Variants in MBD5 observed in about 807,000 individuals in gnomAD.
MBD5 encodes the protein methyl-CpG-binding domain protein 5.
MBD5 carries 13 observed loss-of-function variants against 117.3 expected under a neutral mutation model. The ratio of observed to expected loss-of-function variants is 0.11; its 90% CI spans 0.07 to 0.18. MBD5 has a LOEUF of 0.18. Among genes scored for constraint, MBD5 ranks in the 10% least tolerant of loss-of-function variants. MBD5 has a pLI of 1.00. For synonymous variants in MBD5, 727 were observed against 766.4 expected (o/e 0.95, Z 0.85); for missense variants, 1,879 against 2,093.8 (o/e 0.90, Z 2.00).
chr2:148,169,595 G>C (rs1698208285), intron 1 of MBD5, among the ~76,000 whole-genome samples: 1 of 152,118 alleles, frequency 6.6e-6, no homozygotes, highest in East Asian at 1.9e-4. Flanking sequence ...GATACCCTTA[G>C]CAGATCTGAT....
At chr2:148,096,014 T>TCAATG (rs1371932457) in intron 1 of MBD5, among the ~76,000 whole-genome samples, 7 of 152,212 alleles carry the variant, frequency 4.6e-5, no homozygotes, top group Non-Finnish European at 2.9e-5. Context: ...CCTTGTATAA[T>TCAATG]CAATGTAATA....
chr2:148,115,330 C>G (rs1198448483), intron 1 of MBD5, among the ~76,000 whole-genome samples: 3 of 152,110 alleles, frequency 2.0e-5, no homozygotes, highest in African/African-American at 7.2e-5. Flanking sequence ...CTGAGCTCTG[C>G]TAAGAGAGCT....
intron 3 of MBD5, among the ~76,000 whole-genome samples, chr2:148,249,234 A>G (rs1014844620): frequency 8.5e-5 from 13 of 152,180 alleles, no homozygotes; most frequent in Admixed American, 7.9e-4. Context: ...AAGAATTATT[A>G]CAAGTTAGTA....
At chr2:148,496,989 A>C (rs1681721603) in intron 11 of MBD5, among the ~76,000 whole-genome samples, 1 of 152,260 alleles carries the variant, frequency 6.6e-6, no homozygotes, top group Admixed American at 6.5e-5. Context: ...CAGTCTTTAA[A>C]AAATATTGAA....
At chr2:148,231,442 C>A (rs1281653828) in intron 2 of MBD5, among the ~76,000 whole-genome samples, 2 of 152,116 alleles carry the variant, frequency 1.3e-5, no homozygotes, top group South Asian at 4.1e-4. Context: ...GTGGCATCAG[C>A]TATTTAAGAC....
chr2:148,360,920 A>T (rs1703513426), intron 4 of MBD5, among the ~76,000 whole-genome samples: 1 of 152,186 alleles, frequency 6.6e-6, no homozygotes, highest in Middle Eastern at 3.2e-3. Flanking sequence ...AGACTAGGTA[A>T]GTTTTATTAT....
In MBD5 at chr2:148,489,574, T is replaced by A. The variant is rs115816749; in HGVS notation, c.3942T>A (p.Gly1314=). 4.5e-4 allele frequency: 731 copies of A among 1,614,124 alleles called. 2 individuals carry two copies. In the African/African-American group the frequency reaches 8.9e-3, roughly 20 times the overall value. ...ATGGCCTCGTTGTGGGTGGCCCAGG[T>A]GATGCTTCCGTAGATGCCATTTACA... ...VKDGLVVGGP[G]DASVDAIYKA... is the part of the protein sequence containing the mutation. Residue 1314 remains glycine, a synonymous_variant, in exon 11 of 14, where the codon GGT becomes GGA. Transcript: ENST00000642680.
In MBD5 at chr2:148,192,936, A is replaced by G. The variant is rs1444216193; in HGVS notation, c.-831+14143A>G. Among the ~76,000 whole-genome samples the G allele has an allele frequency of 6.3e-5, 4 of 63,804 alleles. 1 individual carries two copies. The highest frequency in any genetic ancestry group is 1.2e-4 in the Non-Finnish European group (4 of 32,012). The allele number at this position is 63,804 out of a possible 152,430, so 41.9% of individuals were successfully genotyped here. ...TCTCAGGATACAAAATCAATGTACA[A>G]AAATCACAAGCATTCTTATACACCA... On this transcript the variant is annotated intron_variant, in intron 2 of 13. Coordinates refer to ENST00000642680, the MANE Select transcript of MBD5 (RefSeq NM_001378120.1).
chr2:148,146,634 T>G (rs1185661926), intron 1 of MBD5, among the ~76,000 whole-genome samples: 1 of 152,282 alleles, frequency 6.6e-6, no homozygotes, highest in South Asian at 2.1e-4. Flanking sequence ...GTACTCATAT[T>G]AAGGTTATTT....
At chr2:148,276,138 C>G (rs1018751699) in intron 3 of MBD5, among the ~76,000 whole-genome samples, 5 of 151,890 alleles carry the variant, frequency 3.3e-5, no homozygotes, top group Non-Finnish European at 7.4e-5. Context: ...AAAGCAAGAC[C>G]CTGTCTCTAC....
chr2:148,259,138 T>C (rs755116163), intron 3 of MBD5, among the ~76,000 whole-genome samples: 12 of 152,172 alleles, frequency 7.9e-5, no homozygotes, highest in Non-Finnish European at 1.5e-4. Flanking sequence ...ACTCACAGTT[T>C]CAGGTATTTC....
chr2:148,400,536 A>G (rs1266990614), intron 4 of MBD5, among the ~76,000 whole-genome samples: 2 of 152,182 alleles, frequency 1.3e-5, no homozygotes, highest in East Asian at 1.9e-4. Flanking sequence ...TTCTTGTTTC[A>G]AAGGTATTTG....
intron 3 of MBD5, chr2:148,244,409 CT>C (rs2106209441): frequency 6.6e-6 from 1 of 152,230 alleles, no homozygotes; most frequent in East Asian, 1.9e-4. Flanking sequence ...ATAACATTGA[CT>C]TTGCATGTGT....
chr2:148,429,238 T>C (rs529987633), intron 4 of MBD5, among the ~76,000 whole-genome samples: 2 of 151,760 alleles, frequency 1.3e-5, no homozygotes, highest in South Asian at 4.2e-4. Flanking sequence ...AACAAACATA[T>C]GAAAAAAAAG....
chr2:148,082,656 G>A (rs1171802879), intron 1 of MBD5, among the ~76,000 whole-genome samples: 1 of 152,132 alleles, frequency 6.6e-6, no homozygotes, highest in Non-Finnish European at 1.5e-5. Context: ...GTCCACTTGA[G>A]GAATAAAACA....
At chr2:148,427,097 A>G (rs1044612513) in intron 4 of MBD5, among the ~76,000 whole-genome samples, 2 of 152,204 alleles carry the variant, frequency 1.3e-5, no homozygotes, top group African/African-American at 4.8e-5. Context: ...CAAAACCACA[A>G]TGAGATACCA....
intron 4 of MBD5, among the ~76,000 whole-genome samples, chr2:148,445,579 T>C (rs1277916892): frequency 4.6e-5 from 7 of 151,444 alleles, no homozygotes; most frequent in Non-Finnish European, 7.3e-5. Flanking sequence ...CTATTGTGAA[T>C]AGTGCCTCAA....
At chr2:148,463,085 T>C (rs1230031610) in intron 6 of MBD5, among the ~76,000 whole-genome samples, 3 of 152,098 alleles carry the variant, frequency 2.0e-5, no homozygotes, top group African/African-American at 7.2e-5. Context: ...AACTGAACCC[T>C]CCTAGCCAAA....
intron 1 of MBD5, among the ~76,000 whole-genome samples, chr2:148,150,629 TG>T (rs1190243896): frequency 1.3e-5 from 2 of 151,916 alleles, no homozygotes; most frequent in South Asian, 4.2e-4. Flanking sequence ...AGCAGTGGTT[TG>T]TAGTTCTCCT....
Sources: gnomAD v4.1 joint callset for allele counts (sites outside exome capture counted in the v4.1 genomes callset) on GRCh38, gnomAD v4.1.1 for gene constraint, MANE v1.5 for transcripts, NCBI Gene and HGNC (gene_info 2026-07-23, HGNC 2026-07-21) for gene names.